Variants in LRIG1 observed in about 807,000 individuals in gnomAD.
LRIG1 encodes leucine-rich repeats and immunoglobulin-like domains protein 1.
A neutral mutation model predicts 99.2 loss-of-function variants in LRIG1; 48 were observed. The ratio of observed to expected loss-of-function variants is 0.48; its 90% CI spans 0.38 to 0.62. The LOEUF (loss-of-function observed/expected upper bound fraction) is 0.62, where lower values mean the gene tolerates loss of function less well. Among genes scored for constraint, LRIG1 ranks in the 20% least tolerant of loss-of-function variants. The pLI, the probability that LRIG1 is intolerant of heterozygous loss-of-function variation, is 0.00. For missense variants in LRIG1, 1,646 were observed against 1,434.4 expected (o/e 1.15, Z -2.38); for synonymous variants, 772 against 596.1 (o/e 1.29, Z -4.30).
intron 1 of LRIG1, among the ~76,000 whole-genome samples, chr3:66,483,442 G>A (rs567154134): frequency 6.6e-6 from 1 of 152,222 alleles, no homozygotes; most frequent in Non-Finnish European, 1.5e-5. Context: ...TACTTGGGCT[G>A]GGTCCACAGA....
intron 1 of LRIG1, among the ~76,000 whole-genome samples, chr3:66,464,456 C>A (rs939339024): frequency 3.3e-5 from 5 of 150,178 alleles, no homozygotes; most frequent in Non-Finnish European, 7.4e-5. Flanking sequence ...CAGAGGCTCA[C>A]GATCTGAATT....
intron 1 of LRIG1, among the ~76,000 whole-genome samples, chr3:66,481,524 C>T (rs1575726040): frequency 7.1e-6 from 1 of 140,876 alleles, no homozygotes; most frequent in Admixed American, 6.8e-5. Context: ...TTTATGTACA[C>T]ACACACACAC....
At chr3:66,395,734 C>T (rs1381267563) in intron 11 of LRIG1, among the ~76,000 whole-genome samples, 1 of 152,158 alleles carries the variant, frequency 6.6e-6, no homozygotes, top group Non-Finnish European at 1.5e-5. Context: ...ATGGTCAATT[C>T]CCATGCAGTG....
At chr3:66,397,652 C>A (rs535865551) in intron 11 of LRIG1, among the ~76,000 whole-genome samples, 2 of 152,188 alleles carry the variant, frequency 1.3e-5, no homozygotes, top group African/African-American at 2.4e-5. Flanking sequence ...CACCACTGCA[C>A]CCCTAAGCAT....
intron 11 of LRIG1, among the ~76,000 whole-genome samples, chr3:66,397,304 A>G (rs1701888077): frequency 6.6e-6 from 1 of 152,160 alleles, no homozygotes; most frequent in Non-Finnish European, 1.5e-5. Context: ...GCCTCGGGGA[A>G]TGGGGATGAG....
chr3:66,391,022 T>G (rs1575652540), intron 12 of LRIG1, among the ~76,000 whole-genome samples: 1 of 76,346 alleles, frequency 1.3e-5, no homozygotes, highest in African/African-American at 8.7e-5. Context: ...CCAAAGAAGA[T>G]ATATATATAT....
intron 16 of LRIG1, among the ~76,000 whole-genome samples, chr3:66,381,860 G>C (rs922200524): frequency 1.3e-5 from 2 of 152,132 alleles, no homozygotes; most frequent in African/African-American, 4.8e-5. Flanking sequence ...ACAGTCTCAG[G>C]CAAGTGCTCA....
intron 1 of LRIG1, among the ~76,000 whole-genome samples, chr3:66,487,971 A>C (rs1701012489): frequency 6.6e-6 from 1 of 152,116 alleles, no homozygotes; most frequent in South Asian, 2.1e-4. Flanking sequence ...CCCAAACAAA[A>C]CTCCAAATTC....
intron 3 of LRIG1, among the ~76,000 whole-genome samples, chr3:66,432,634 C>T (rs1703211040): frequency 6.6e-6 from 1 of 152,164 alleles, no homozygotes; most frequent in South Asian, 2.1e-4. Context: ...GAAGGTTACA[C>T]AGCAGTAAGC....
chr3:66,396,481 T>C (rs906879173), intron 11 of LRIG1, among the ~76,000 whole-genome samples: 1 of 152,196 alleles, frequency 6.6e-6, no homozygotes, highest in African/African-American at 2.4e-5. Flanking sequence ...CCTGACTTGA[T>C]CTGATGGAGA....
Position 66,380,406 on chromosome 3 carries a change from G to A in LRIG1, c.3139C>T (p.Pro1047Ser). 2 of 1,614,174 alleles carry A rather than the reference G, an allele frequency of 1.2e-6. No homozygotes were observed. Among genetic ancestry groups the A allele is most frequent in the Admixed American group, 1.7e-5 (1 of 60,018 alleles). Residue 1047 changes from proline to serine, a missense_variant, in exon 19 of 19, where the codon CCA becomes TCA. By Grantham distance (74) the Pro-to-Ser change is moderately conservative (BLOSUM62 -1). Coordinates refer to ENST00000273261, the MANE Select transcript of LRIG1 (RefSeq NM_015541.3). Reference sequence around the variant, plus strand: ...AAGTACTGGGCTTCCGCGCGCTCTGGACTGCCTGAAGTTAATGAAGATGCA... The same window carrying A: ...AAGTACTGGGCTTCCGCGCGCTCTGAACTGCCTGAAGTTAATGAAGATGCA... ...QPASSLTSGSPERAEAQYLLV... is the reference protein window; with the variant it reads ...QPASSLTSGSSERAEAQYLLV...
Position 66,383,031 on chromosome 3 carries a change from G to A in LRIG1, c.2442C>T (p.Ile814=). 5 of 1,614,140 alleles carry A rather than the reference G, an allele frequency of 3.1e-6. No homozygotes were observed. Among genetic ancestry groups the A allele is most frequent in the Non-Finnish European group, 4.2e-6 (5 of 1,180,008 alleles). ...IVLTSLVWVC[I]IYQTRKKSEE... ...CACTCTTCTTCCTGGTCTGGTAGAT[G>A]ATGCACACCCAGACCAGTGACGTCA... The change falls in exon 15 of 19, where the codon ATC becomes ATT. Residue 814 remains isoleucine, a synonymous_variant. Coordinates refer to ENST00000273261, the MANE Select transcript of LRIG1 (RefSeq NM_015541.3).
chr3:66,392,121 A>C (rs9840088), intron 12 of LRIG1, among the ~76,000 whole-genome samples: 31,018 of 152,172 alleles, frequency 0.2, 4,030 homozygotes, highest in East Asian at 0.7. Flanking sequence ...TTCATGTTGC[A>C]GGACTACTGA....
chr3:66,478,484 G>A (rs555246925), intron 1 of LRIG1, among the ~76,000 whole-genome samples: 5 of 152,272 alleles, frequency 3.3e-5, no homozygotes, highest in East Asian at 1.9e-4. Context: ...CACCTGCTGC[G>A]TGCCAGGAGG....
At chr3:66,406,929 G>A (rs973995261) in intron 8 of LRIG1, among the ~76,000 whole-genome samples, 2 of 152,150 alleles carry the variant, frequency 1.3e-5, no homozygotes, top group Admixed American at 1.3e-4. Flanking sequence ...CCATGGTTTA[G>A]AGAAAAAATA....
intron 3 of LRIG1, among the ~76,000 whole-genome samples, chr3:66,433,721 G>A (rs1163198879): frequency 1.3e-5 from 2 of 152,206 alleles, no homozygotes; most frequent in Admixed American, 1.3e-4. Context: ...GGGTATGGGT[G>A]GGATTGAGGA....
intron 3 of LRIG1, among the ~76,000 whole-genome samples, chr3:66,446,076 T>C (rs1703708198): frequency 6.6e-6 from 1 of 152,230 alleles, no homozygotes; most frequent in Admixed American, 6.5e-5. Flanking sequence ...AACTGATCTT[T>C]GCATTAACGA....
intron 1 of LRIG1, among the ~76,000 whole-genome samples, chr3:66,496,786 C>A (rs11918454): frequency 6.6e-6 from 1 of 152,118 alleles, no homozygotes; most frequent in African/African-American, 2.4e-5. Flanking sequence ...ATTTGGTGAT[C>A]TGCACTTTAA....
In LRIG1 at chr3:66,380,734, C is replaced by A; in HGVS notation, c.2898G>T (p.Glu966Asp). The change falls in exon 18 of 19, where the codon GAG becomes GAT. Residue 966 changes from glutamate (E) to aspartate (D), a missense_variant. Physicochemically the swap from Glu to Asp is conservative, Grantham distance 45. Transcript: ENST00000273261. ...SAQPSAPNGP[E>D]PGGSDQEHSP... ...AATGCTCTTGGTCACTCCCACCCGG[C>A]TCCGGGCCATTTGGCGCACTTGGCT... is the stretch of plus-strand genomic sequence containing the variant. 1 of 1,614,220 alleles carries A rather than the reference C, an allele frequency of 6.2e-7. No homozygotes were observed. Among genetic ancestry groups the A allele is most frequent in the Non-Finnish European group, 8.5e-7 (1 of 1,180,048 alleles).
Sources: allele counts gnomAD v4.1 joint callset (sites outside exome capture counted in the v4.1 genomes callset), GRCh38; gene constraint gnomAD v4.1.1; transcripts MANE v1.5; gene names NCBI Gene and HGNC (gene_info 2026-07-23, HGNC 2026-07-21).